Variants in CACNA1D observed in about 807,000 individuals in gnomAD.
The protein encoded by CACNA1D is voltage-dependent L-type calcium channel subunit alpha-1D.
A neutral mutation model predicts 257.1 loss-of-function variants in CACNA1D; 55 were observed. That is an observed-to-expected ratio of 0.21 (90% CI 0.17 to 0.27). The LOEUF (loss-of-function observed/expected upper bound fraction) is 0.27. Ranked by LOEUF, CACNA1D falls within the 10% of genes least tolerant of loss-of-function variation. The pLI is 1.00. For synonymous variants in CACNA1D, 980 were observed against 1,014.9 expected (o/e 0.97, Z 0.65); for missense variants, 1,876 against 2,784.0 (o/e 0.67, Z 7.34).
intron 3 of CACNA1D, among the ~76,000 whole-genome samples, chr3:53,634,775 T>C (rs969928364): frequency 1.3e-5 from 2 of 152,168 alleles, no homozygotes; most frequent in African/African-American, 4.8e-5. Context: ...GTTGGTACTG[T>C]TGTGACCATT....
rs1576489484 is a variant in CACNA1D, at chr3:53,732,001, T to C, written c.2407-15T>C. 1 of 1,573,350 alleles carries C rather than the reference T, an allele frequency of 6.4e-7. No individual in the cohort carries two copies. Among genetic ancestry groups the C allele is most frequent in the Non-Finnish European group, 8.8e-7 (1 of 1,142,788 alleles). On this transcript the variant is annotated splice_polypyrimidine_tract_variant and intron_variant, in intron 17 of 47. Coordinates refer to ENST00000350061, the MANE Select transcript of CACNA1D (RefSeq NM_001128840.3). ...GTCAGTCTCCCCTCCTCCCAAGATGTCTTTGTCATCCTAGGTTACAATTGA... is the reference window on the plus strand; with the variant it reads ...GTCAGTCTCCCCTCCTCCCAAGATGCCTTTGTCATCCTAGGTTACAATTGA...
intron 4 of CACNA1D, among the ~76,000 whole-genome samples, chr3:53,655,846 C>T (rs1171776175): frequency 1.3e-5 from 2 of 152,134 alleles, no homozygotes; most frequent in Admixed American, 6.5e-5. Context: ...TCATGAAATC[C>T]TTGCTCATTC....
At position 53,673,095 on chromosome 3, in the gene CACNA1D, G is replaced by A. The variant is rs963644283; in HGVS notation, c.1189G>A (p.Val397Ile). ...VSLVIFGSFF[V>I]LNLVLGVLSG... The stretch of plus-strand genomic sequence containing the variant: ...TCTCGTCATCTTTGGGTCATTTTTC[G>A]TACTAAATCTTGTACTTGGTGTATT... The change falls in exon 8 of 48, where the codon GTA becomes ATA. Residue 397 changes from valine (V) to isoleucine (I), a missense_variant. Coordinates refer to ENST00000350061, the MANE Select transcript of CACNA1D (RefSeq NM_001128840.3). This position sits in a 1 kb window ranked among gnomAD's most constrained non-coding sequence, Gnocchi z 4.1. 49 of 1,551,672 alleles carry A rather than the reference G, an allele frequency of 3.2e-5. No homozygotes were observed. Among genetic ancestry groups the A allele is most frequent in the African/African-American group, 9.6e-5 (7 of 72,942 alleles).
chr3:53,588,908 G>C (rs1414366290), intron 3 of CACNA1D, among the ~76,000 whole-genome samples: 1 of 152,164 alleles, frequency 6.6e-6, no homozygotes, highest in Admixed American at 6.5e-5. Context: ...AAAGGGTCTT[G>C]ATTACCATTT....
At position 53,608,227 on chromosome 3, in the gene CACNA1D, C is replaced by T. The variant is rs9874685; in HGVS notation, c.484-42552C>T. On this transcript the variant is annotated intron_variant, in intron 3 of 47. Transcript: ENST00000350061. The stretch of plus-strand genomic sequence containing the variant: ...AATGTTTTGCATAATTTTCTAAATG[C>T]ATCCCTATATCATTTGTTTCTGATG... Among the ~76,000 whole-genome samples the T allele has an allele frequency of 3.8e-3, 582 of 152,152 alleles. 6 individuals are homozygous for T. The highest frequency in any genetic ancestry group is 0.013 in the African/African-American group (553 of 41,516).
intron 3 of CACNA1D, among the ~76,000 whole-genome samples, chr3:53,571,548 C>T (rs1010139130): frequency 1.3e-5 from 2 of 151,724 alleles, no homozygotes; most frequent in African/African-American, 2.4e-5. Flanking sequence ...CTCACTTAGG[C>T]CTTTCATAAT....
chr3:53,753,640 C>T lies in CACNA1D; in HGVS notation c.3744C>T (p.Phe1248=). Residue 1248 remains phenylalanine, a synonymous_variant, in exon 29 of 48, where the codon TTC becomes TTT. Coordinates refer to ENST00000350061, the MANE Select transcript of CACNA1D (RefSeq NM_001128840.3). ...DILNMVFTGV[F]TVEMVLKVIA... ...TGAACATGGTCTTCACCGGGGTGTT[C>T]ACCGTCGAGATGGTTTTGAAAGTCA... 1.2e-6 allele frequency: 2 copies of T among 1,613,460 alleles called. No individual in the cohort carries two copies. The highest frequency in any genetic ancestry group is 1.1e-5 in the South Asian group (1 of 91,060).
intron 32 of CACNA1D, among the ~76,000 whole-genome samples, chr3:53,772,500 C>T (rs142504965): frequency 1.3e-5 from 2 of 152,204 alleles, no homozygotes; most frequent in Non-Finnish European, 2.9e-5. Context: ...ATTATAATTT[C>T]ACCCCAAAAA....
intron 3 of CACNA1D, among the ~76,000 whole-genome samples, chr3:53,588,747 C>T (rs535858946): frequency 2.6e-5 from 4 of 152,086 alleles, no homozygotes; most frequent in Non-Finnish European, 5.9e-5. Context: ...ACTTTCTAAC[C>T]TTAAAGTGAT....
chr3:53,716,288 G>C (rs1196073056), intron 9 of CACNA1D, among the ~76,000 whole-genome samples: 3 of 152,244 alleles, frequency 2.0e-5, no homozygotes, highest in Non-Finnish European at 4.4e-5. Flanking sequence ...ACAGGACCAG[G>C]CCTGTGGGTT....
chr3:53,662,886 A>C (rs58036565), intron 5 of CACNA1D, among the ~76,000 whole-genome samples: 3,190 of 152,304 alleles, frequency 0.021, 107 homozygotes, highest in African/African-American at 0.072. Context: ...GCTGGGGGTT[A>C]GTTTTGCATG....
At chr3:53,525,869 C>A (rs998840272) in intron 3 of CACNA1D, among the ~76,000 whole-genome samples, 1 of 152,126 alleles carries the variant, frequency 6.6e-6, no homozygotes, top group African/African-American at 2.4e-5. Flanking sequence ...GCTCACATTG[C>A]TGGCCAGTCC....
rs1250806059 is a variant in CACNA1D at position 53,749,355 on chromosome 3, C to T, written c.3402C>T (p.Ile1134=). The change falls in exon 27 of 48, where the codon ATC becomes ATT. Residue 1134 remains isoleucine, a synonymous_variant. Transcript: ENST00000350061. ...TGGAGATCTCCATCTTCTTCATCATCTACATCATCATTGTAGCTTTCTTCA... is the reference window on the plus strand; with the variant it reads ...TGGAGATCTCCATCTTCTTCATCATTTACATCATCATTGTAGCTTTCTTCA... The part of the protein sequence containing the change: ...HRVEISIFFI[I]YIIIVAFFMM... 6.2e-7 allele frequency: 1 copy of T among 1,611,438 alleles called. No homozygotes were observed. The highest frequency in any genetic ancestry group is 1.1e-5 in the South Asian group (1 of 90,988).
At chr3:53,806,025 CCCT>C (rs144493597) in intron 45 of CACNA1D, among the ~76,000 whole-genome samples, 3,114 of 123,784 alleles carry the variant, frequency 0.025, 249 homozygotes, top group African/African-American at 0.1. Flanking sequence ...CCCTCATGTT[CCCT>C]CCTCCTCCTC....
chr3:53,680,346 CT>C (rs552000840), intron 8 of CACNA1D, among the ~76,000 whole-genome samples: 20,336 of 145,674 alleles, frequency 0.14, 1,738 homozygotes, highest in Middle Eastern at 0.27. Flanking sequence ...TGACCAAGTT[CT>C]TTTTTTTTTT....
At chr3:53,776,792 G>A (rs538639864) in intron 36 of CACNA1D, 62 bp downstream of exon 36, 18 of 1,613,894 alleles carry the variant, frequency 1.1e-5, no homozygotes, top group African/African-American at 1.1e-4. Flanking sequence ...AGCTTTTTTT[G>A]TGGAGTGGAC....
Position 53,650,936 on chromosome 3 carries a change from T to C in CACNA1D, c.623+18T>C, listed in dbSNP as rs202147000. The C allele has an allele frequency of 7.1e-5, 113 of 1,600,524 alleles. No individual in the cohort carries two copies. The African/African-American group carries it at 9.0e-4, about 13-fold the overall frequency. On this transcript the variant is annotated intron_variant, in intron 4 of 47. Coordinates refer to ENST00000350061, the MANE Select transcript of CACNA1D (RefSeq NM_001128840.3). ...ATAGTAGGGTAAGTCTCTTTTACTT[T>C]GGGGAAATGTTGATTTGGAAAATGG...
intron 39 of CACNA1D, chr3:53,781,902 G>C: frequency 1.9e-6 from 1 of 529,064 alleles, no homozygotes. Context: ...CATGGCTGGA[G>C]CAGGGATTTT....
At chr3:53,516,178 A>G (rs2091325925) in intron 3 of CACNA1D, among the ~76,000 whole-genome samples, 1 of 152,214 alleles carries the variant, frequency 6.6e-6, no homozygotes, top group African/African-American at 2.4e-5. Flanking sequence ...GCATTAGTTA[A>G]CTGGTCAAGA....
Sources: gnomAD v4.1 joint callset for allele counts (sites outside exome capture counted in the v4.1 genomes callset) on GRCh38, gnomAD v4.1.1 for gene constraint, Gnocchi (gnomAD v3.1) non-coding constraint, MANE v1.5 for transcripts, NCBI Gene and HGNC (gene_info 2026-07-23, HGNC 2026-07-21) for gene names.